Variants in NFIA observed in about 807,000 individuals in gnomAD.
NFIA encodes the protein nuclear factor 1 A-type.
Under a neutral mutation model 62.8 loss-of-function variants are expected in NFIA, and 8 were observed. The observed-to-expected ratio is 0.13, with a 90% confidence interval of 0.07 to 0.23. The LOEUF (loss-of-function observed/expected upper bound fraction) is 0.23, where lower values mean the gene tolerates loss of function less well. NFIA is among the 10% of genes least tolerant of loss of function. The pLI is 1.00. For missense variants in NFIA, 410 were observed against 642.1 expected (o/e 0.64, Z 3.91); for synonymous variants, 235 against 238.1 (o/e 0.99, Z 0.12).
At chr1:61,145,423 CT>C (rs1302381565) in intron 2 of NFIA, among the ~76,000 whole-genome samples, 3 of 152,140 alleles carry the variant, frequency 2.0e-5, no homozygotes, top group Non-Finnish European at 4.4e-5. Context: ...TACTGGATGA[CT>C]TAGATGTTAT....
chr1:61,328,053 A>G (rs148628781), intron 3 of NFIA, among the ~76,000 whole-genome samples: 345 of 150,678 alleles, frequency 2.3e-3, no homozygotes, highest in Middle Eastern at 6.9e-3. Flanking sequence ...CCATTTGTCT[A>G]TCTTCTTTTG....
intron 2 of NFIA, among the ~76,000 whole-genome samples, chr1:61,177,484 A>T (rs1650456670): frequency 6.6e-6 from 1 of 152,214 alleles, no homozygotes; most frequent in Non-Finnish European, 1.5e-5. Context: ...TGCTATATGC[A>T]TTATCACATT....
At chr1:61,110,061 A>C (rs1222720750) in intron 2 of NFIA, among the ~76,000 whole-genome samples, 1 of 151,824 alleles carries the variant, frequency 6.6e-6, no homozygotes, top group East Asian at 1.9e-4. Context: ...GAGAGAGATA[A>C]GGGGGGCAGA....
chr1:61,205,204 G>T (rs943878967), intron 2 of NFIA, among the ~76,000 whole-genome samples: 1 of 152,288 alleles, frequency 6.6e-6, no homozygotes, highest in African/African-American at 2.4e-5. Context: ...ATAGAAATGC[G>T]TTTTGAACCG....
chr1:61,404,676 G>A (rs1317104079), intron 8 of NFIA, among the ~76,000 whole-genome samples: 3 of 152,136 alleles, frequency 2.0e-5, no homozygotes, highest in African/African-American at 4.8e-5. Flanking sequence ...AGATGAAGGG[G>A]ACAGATGTTT....
chr1:61,450,277 A>G (rs1320170759), intron 10 of NFIA, among the ~76,000 whole-genome samples: 1 of 152,238 alleles, frequency 6.6e-6, no homozygotes, highest in African/African-American at 2.4e-5. Flanking sequence ...CGAATGTGAG[A>G]AACTCAGAGT....
At chr1:61,097,894 T>C (rs751482925) in intron 2 of NFIA, among the ~76,000 whole-genome samples, 1 of 152,168 alleles carries the variant, frequency 6.6e-6, no homozygotes, top group Non-Finnish European at 1.5e-5. Context: ...AGTCCTTAGG[T>C]TGACAAATTC....
chr1:61,154,172 T>C (rs576637436), intron 2 of NFIA, among the ~76,000 whole-genome samples: 4 of 152,258 alleles, frequency 2.6e-5, no homozygotes, highest in East Asian at 1.9e-4. Flanking sequence ...ATTTTTGAGG[T>C]GGAGTCTCAC....
At chr1:61,098,334 G>A (rs17376574) in intron 2 of NFIA, among the ~76,000 whole-genome samples, 28,421 of 152,122 alleles carry the variant, frequency 0.19, 2,914 homozygotes, top group Middle Eastern at 0.27. Flanking sequence ...TTCTAGATAA[G>A]AACTTGGCAA....
intron 7 of NFIA, among the ~76,000 whole-genome samples, chr1:61,387,436 C>T (rs1275564119): frequency 2.0e-5 from 3 of 150,642 alleles, no homozygotes; most frequent in Non-Finnish European, 2.9e-5. Context: ...CAGCAACATT[C>T]TGCCCATCCC....
At chr1:61,394,045 G>A (rs957863049) in intron 7 of NFIA, among the ~76,000 whole-genome samples, 2 of 152,158 alleles carry the variant, frequency 1.3e-5, no homozygotes, top group Non-Finnish European at 2.9e-5. Flanking sequence ...CCAGAGTCTA[G>A]CATGCTGTTT....
intron 2 of NFIA, among the ~76,000 whole-genome samples, chr1:61,164,684 T>G (rs1334051248): frequency 6.6e-6 from 1 of 152,068 alleles, no homozygotes; most frequent in South Asian, 2.1e-4. Context: ...ATGGTCTCAA[T>G]CTCCTGACCT....
intron 2 of NFIA, among the ~76,000 whole-genome samples, chr1:61,231,191 T>G (rs1654650770): frequency 6.6e-6 from 1 of 152,232 alleles, no homozygotes; most frequent in Non-Finnish European, 1.5e-5. Context: ...GAGATAATTT[T>G]ATAGTTACAC....
At chr1:61,371,651 G>A (rs1041681704) in intron 6 of NFIA, among the ~76,000 whole-genome samples, 3 of 152,162 alleles carry the variant, frequency 2.0e-5, no homozygotes, top group African/African-American at 4.8e-5. Context: ...TCTTCCTTGA[G>A]GGAGCAATTC....
chr1:61,082,379 C>T (rs867645528), upstream of NFIA: 6 of 678,472 alleles, frequency 8.8e-6, no homozygotes, highest in African/African-American at 5.9e-5. Flanking sequence ...CCCCTCCCCC[C>T]CGCGGCGGCG....
Position 61,304,698 on chromosome 1 carries a change from A to G in NFIA, c.625+27113A>G, listed in dbSNP as rs140451090. Among the ~76,000 whole-genome samples the G allele has an allele frequency of 2.8e-3, 419 of 152,210 alleles. 3 individuals carry two copies. The highest frequency in any genetic ancestry group is 9.3e-3 in the African/African-American group (388 of 41,516). ...TTTTTTGTAGGATTGAAGAGATGAA[A>G]GTTCCCCTGGTCCCCCAAAATTTTG... On this transcript the variant is annotated intron_variant, in intron 3 of 10. Coordinates refer to ENST00000403491, the MANE Select transcript of NFIA (RefSeq NM_001134673.4).
chr1:61,338,011 G>A (rs577687558), intron 4 of NFIA, among the ~76,000 whole-genome samples: 6 of 142,304 alleles, frequency 4.2e-5, no homozygotes, highest in East Asian at 2.0e-4. Context: ...GAGGAAAACC[G>A]CAAATACACA....
At chr1:61,205,112 T>G (rs1652810192) in intron 2 of NFIA, among the ~76,000 whole-genome samples, 1 of 152,208 alleles carries the variant, frequency 6.6e-6, no homozygotes. Context: ...ACTATTATTA[T>G]CTATCTCCAT....
chr1:61,257,752 AACTGGAG>A (rs1175737350), intron 2 of NFIA, among the ~76,000 whole-genome samples: 7 of 151,268 alleles, frequency 4.6e-5, no homozygotes, highest in Non-Finnish European at 1.0e-4. Context: ...CTGTTGCCAG[AACTGGAG>A]TGCAGTGGCA....
Sources: gnomAD v4.1 joint callset for allele counts (sites outside exome capture counted in the v4.1 genomes callset) on GRCh38, gnomAD v4.1.1 for gene constraint, MANE v1.5 for transcripts, NCBI Gene and HGNC (gene_info 2026-07-23, HGNC 2026-07-21) for gene names.